Variants in MAGI2 observed in about 807,000 individuals in gnomAD.
The protein encoded by MAGI2 is membrane-associated guanylate kinase, WW and PDZ domain-containing protein 2.
MAGI2 carries 35 observed loss-of-function variants against 133.3 expected under a neutral mutation model. That is an observed-to-expected ratio of 0.26 (90% CI 0.20 to 0.35). The LOEUF (loss-of-function observed/expected upper bound fraction) is 0.35. MAGI2 is among the 10% of genes least tolerant of loss of function. MAGI2 has a pLI of 1.00. For synonymous variants in MAGI2, 729 were observed against 710.6 expected (o/e 1.03, Z -0.41); for missense variants, 1,636 against 1,863.4 (o/e 0.88, Z 2.25).
chr7:79,452,989 G>C (rs1041185136), intron 1 of MAGI2, 31 bp downstream of exon 1: 2 of 1,514,182 alleles, frequency 1.3e-6, no homozygotes, highest in African/African-American at 2.8e-5. Flanking sequence ...CCCACCGCCC[G>C]GCAAAACACT....
chr7:78,915,893 C>T (rs143283521), intron 2 of MAGI2, among the ~76,000 whole-genome samples: 152 of 151,730 alleles, frequency 1.0e-3, no homozygotes, highest in African/African-American at 3.6e-3. Flanking sequence ...GAGAAGGTGG[C>T]GTGAGCAGAA....
chr7:78,508,496 G>T (rs1795287010), intron 4 of MAGI2, among the ~76,000 whole-genome samples: 1 of 152,026 alleles, frequency 6.6e-6, no homozygotes, highest in Non-Finnish European at 1.5e-5. Context: ...GACATATATT[G>T]GATATTGTGT....
intron 6 of MAGI2, among the ~76,000 whole-genome samples, chr7:78,441,378 T>C (rs1172180661): frequency 6.6e-6 from 1 of 152,134 alleles, no homozygotes; most frequent in Non-Finnish European, 1.5e-5. Flanking sequence ...GAGAAAAGGG[T>C]TACATTATCA....
intron 6 of MAGI2, among the ~76,000 whole-genome samples, chr7:78,377,166 T>C (rs533540201): frequency 2.0e-4 from 31 of 152,232 alleles, no homozygotes; most frequent in African/African-American, 6.7e-4. Context: ...AGTAAATATC[T>C]ACTAAGAGAG....
chr7:79,174,917 T>C (rs1303756495), intron 1 of MAGI2, among the ~76,000 whole-genome samples: 3 of 151,974 alleles, frequency 2.0e-5, no homozygotes, highest in Non-Finnish European at 4.4e-5. Flanking sequence ...TCTAAGTTGA[T>C]GCACACTATT....
chr7:79,127,480 A>C (rs9801543), intron 1 of MAGI2, among the ~76,000 whole-genome samples: 88,999 of 150,888 alleles, frequency 0.59, 31,964 homozygotes, highest in Non-Finnish European at 0.8. Flanking sequence ...TGACTTTTTA[A>C]TGATTGCCAT....
chr7:79,179,201 A>G (rs1209819238), intron 1 of MAGI2, among the ~76,000 whole-genome samples: 1 of 151,954 alleles, frequency 6.6e-6, no homozygotes, highest in Non-Finnish European at 1.5e-5. Flanking sequence ...TTTTTTCTGA[A>G]AACACCTATT....
At chr7:78,092,252 G>C (rs1817283184) in intron 20 of MAGI2, among the ~76,000 whole-genome samples, 1 of 152,120 alleles carries the variant, frequency 6.6e-6, no homozygotes, top group African/African-American at 2.4e-5. Flanking sequence ...CAGAGAATCT[G>C]TACTCTTTGC....
Position 78,667,725 on chromosome 7 carries a change from A to AT in MAGI2, c.419-40487dup, listed in dbSNP as rs531715449. On this transcript the variant is annotated intron_variant, in intron 2 of 21. Coordinates refer to ENST00000354212, the MANE Select transcript of MAGI2 (RefSeq NM_012301.4). ...TCCCTACAAAGGACATGAACTCATC[A>AT]TTTTTTATGGCTGCATAGTATTCCA... Among the ~76,000 whole-genome samples, 12 of 151,964 alleles carry AT rather than the reference A, an allele frequency of 7.9e-5. No homozygotes were observed. The South Asian group carries it at 2.5e-3, about 32-fold the overall frequency.
At chr7:78,907,692 C>A (rs999401597) in intron 2 of MAGI2, among the ~76,000 whole-genome samples, 1 of 152,090 alleles carries the variant, frequency 6.6e-6, no homozygotes, top group Non-Finnish European at 1.5e-5. Flanking sequence ...TATTCATTTA[C>A]CTGACTGTCA....
rs142438689 is a variant in MAGI2, at chr7:79,317,345, C to A, written c.301+135675G>T. Reference sequence around the variant, plus strand: ...AGCCAAACTGTAGCTTTTAGAAAGGCTTCTGATTTCCCCTCATATGTTATT... The same window carrying A: ...AGCCAAACTGTAGCTTTTAGAAAGGATTCTGATTTCCCCTCATATGTTATT... On this transcript the variant is annotated intron_variant, in intron 1 of 21. Coordinates refer to ENST00000354212, the MANE Select transcript of MAGI2 (RefSeq NM_012301.4). Among the ~76,000 whole-genome samples the A allele has an allele frequency of 9.9e-5, 15 of 152,122 alleles. No homozygotes were observed. The East Asian group carries it at 2.7e-3, about 28-fold the overall frequency.
At position 78,858,145 on chromosome 7, in the gene MAGI2, C is replaced by T. The variant is rs1048914319; in HGVS notation, c.418+148945G>A. Among the ~76,000 whole-genome samples the T allele has an allele frequency of 2.0e-5, 3 of 151,996 alleles. No homozygotes were observed. In the East Asian group the frequency reaches 5.8e-4, roughly 29 times the overall value. On this transcript the variant is annotated intron_variant, in intron 2 of 21. Transcript: ENST00000354212. ...CATCTATTTGATTCCTCTCCATTTT[C>T]TTCTTTCTTAGTCTTGCTAGTGGTC...
At chr7:79,435,935 G>A (rs1848109257) in intron 1 of MAGI2, among the ~76,000 whole-genome samples, 1 of 152,022 alleles carries the variant, frequency 6.6e-6, no homozygotes, top group Admixed American at 6.6e-5. Flanking sequence ...TAGACCAATG[G>A]AAAATAGTAA....
intron 9 of MAGI2, among the ~76,000 whole-genome samples, chr7:78,332,813 A>G (rs1026753966): frequency 3.3e-5 from 5 of 152,134 alleles, no homozygotes; most frequent in African/African-American, 1.2e-4. Context: ...AGCAGTGGAG[A>G]TATTAGGTAT....
intron 10 of MAGI2, among the ~76,000 whole-genome samples, chr7:78,237,394 C>A (rs1852008): frequency 0.83 from 126,746 of 152,050 alleles, 53,406 homozygotes; most frequent in East Asian, 0.9. Context: ...GCTTCTAGTC[C>A]TGGTTCTTTT....
chr7:79,367,875 A>ATATATATATATATATATATATGTG (rs1342246318), intron 1 of MAGI2, among the ~76,000 whole-genome samples: 2 of 122,082 alleles, frequency 1.6e-5, no homozygotes, highest in African/African-American at 6.9e-5. Context: ...ATATATATAT[A>ATATATATATATATATATATATGTG]TGTCATTGAC....
Position 78,807,095 on chromosome 7 carries a change from A to G in MAGI2, c.419-179856T>C, listed in dbSNP as rs115950472. Among the ~76,000 whole-genome samples the G allele has an allele frequency of 3.4e-3, 511 of 151,996 alleles. 3 individuals carry two copies. The highest frequency in any genetic ancestry group is 0.012 in the African/African-American group (480 of 41,520). On this transcript the variant is annotated intron_variant, in intron 2 of 21. Coordinates refer to ENST00000354212, the MANE Select transcript of MAGI2 (RefSeq NM_012301.4). ...TACAGATGTTTATTGCAATCCTCTG[A>G]TTAAATGTATAAGCCCATTACAATC...
intron 2 of MAGI2, among the ~76,000 whole-genome samples, chr7:78,786,199 G>T (rs555032717): frequency 6.6e-6 from 1 of 151,064 alleles, no homozygotes; most frequent in South Asian, 2.1e-4. Flanking sequence ...CTCACTCCTC[G>T]CAGCAAATCC....
intron 2 of MAGI2, among the ~76,000 whole-genome samples, chr7:78,632,869 T>A (rs113353667): frequency 2.0e-5 from 3 of 152,324 alleles, no homozygotes; most frequent in African/African-American, 7.2e-5. Context: ...GAACTACCAT[T>A]CAACCCAGCA....
Sources: allele counts gnomAD v4.1 joint callset (sites outside exome capture counted in the v4.1 genomes callset), GRCh38; gene constraint gnomAD v4.1.1; transcripts MANE v1.5; gene names NCBI Gene and HGNC (gene_info 2026-07-23, HGNC 2026-07-21).